RIOK3: variants seen among roughly 807,000 people sequenced by gnomAD.
RIOK3 encodes serine/threonine-protein kinase RIO3.
RIOK3 carries 40 observed loss-of-function variants against 63.5 expected under a neutral mutation model. The observed-to-expected ratio is 0.63, with a 90% CI of 0.49 to 0.82. The LOEUF is 0.82. Ranked by LOEUF, RIOK3 falls within the 40% of genes least tolerant of loss-of-function variation. RIOK3 has a pLI of 0.00. For missense variants in RIOK3, 557 were observed against 637.0 expected (o/e 0.87, Z 1.35); for synonymous variants, 193 against 205.0 (o/e 0.94, Z 0.50).
intron 12 of RIOK3, among the ~76,000 whole-genome samples, 199 bp downstream of exon 12, chr18:23,479,623 C>T (rs1251490391): frequency 6.6e-6 from 1 of 151,294 alleles, no homozygotes. Context: ...GTCACTCAGG[C>T]TGGAATGCAG....
At chr18:23,458,050 C>T (rs1056505015) in intron 1 of RIOK3, among the ~76,000 whole-genome samples, 6 of 149,818 alleles carry the variant, frequency 4.0e-5, no homozygotes, top group East Asian at 2.0e-4. Flanking sequence ...TGCATCACCA[C>T]GCCTGGCTAG....
intron 9 of RIOK3, among the ~76,000 whole-genome samples, chr18:23,475,941 CTTTTTTTTTTTTTT>C (rs374984418): frequency 1.2e-5 from 1 of 80,024 alleles, no homozygotes; most frequent in Admixed American, 1.6e-4. Flanking sequence ...TTTTTTGGGG[CTTTTTTTTTTTTTT>C]TTTTTTTTCA....
rs2057405757 is a variant in RIOK3, at chr18:23,466,181, C to A, written c.592C>A (p.Leu198Ile). ...AGATGGAATTGGAATGGATTTAAAA[C>A]TATCAAACCATGTTTTCAATGCTTT... ...VGDGIGMDLKLSNHVFNALKQ... is the reference protein window; with the variant it reads ...VGDGIGMDLKISNHVFNALKQ... The change falls in exon 6 of 13, where the codon CTA (leucine) becomes ATA (isoleucine). Residue 198 changes from leucine to isoleucine, a missense_variant. Physicochemically the swap from Leu to Ile is conservative, Grantham distance 5. Around this residue, in one of 3 missense-constraint regions of RIOK3, gnomAD observed 243 missense variants for 275.4 expected, o/e 0.88. Coordinates refer to ENST00000339486, the MANE Select transcript of RIOK3 (RefSeq NM_003831.5). 1 of 1,610,526 alleles carries A rather than the reference C, an allele frequency of 6.2e-7. No homozygotes were observed. The highest frequency in any genetic ancestry group is 8.5e-7 in the Non-Finnish European group (1 of 1,178,686).
chr18:23,480,514 A>C (rs1360293278), intron 12 of RIOK3, among the ~76,000 whole-genome samples: 2 of 149,744 alleles, frequency 1.3e-5, no homozygotes, highest in Non-Finnish European at 3.0e-5. Context: ...AGTTAAAAAA[A>C]ATACATGTAT....
intron 8 of RIOK3, among the ~76,000 whole-genome samples, chr18:23,474,463 C>T (rs934186526): frequency 6.6e-6 from 1 of 152,188 alleles, no homozygotes; most frequent in African/African-American, 2.4e-5. Flanking sequence ...TTTCTGTACT[C>T]CTGAAATTCC....
intron 11 of RIOK3, among the ~76,000 whole-genome samples, chr18:23,478,333 C>T (rs2057507444): frequency 6.6e-6 from 1 of 151,892 alleles, no homozygotes; most frequent in African/African-American, 2.4e-5. Context: ...TTTGGGAAGC[C>T]AGGGAGGGAG....
In RIOK3 at chr18:23,467,544, G is replaced by A. The variant is rs555649544; in HGVS notation, c.815+18G>A. 7 of 1,606,564 alleles carry A rather than the reference G, an allele frequency of 4.4e-6. No individual in the cohort carries two copies. The East Asian group carries it at 1.1e-4, about 26-fold the overall frequency. On this transcript the variant is annotated intron_variant, in intron 7 of 12. Coordinates refer to ENST00000339486, the MANE Select transcript of RIOK3 (RefSeq NM_003831.5). Reference sequence around the variant, plus strand: ...GGAGGGAGGTAAATGAGCAAAATATGATACCATGATATGAAAACTTAGTCT... The same window carrying A: ...GGAGGGAGGTAAATGAGCAAAATATAATACCATGATATGAAAACTTAGTCT...
At chr18:23,471,953 C>T (rs2145693377) in intron 7 of RIOK3, among the ~76,000 whole-genome samples, 1 of 152,204 alleles carries the variant, frequency 6.6e-6, no homozygotes, top group South Asian at 2.1e-4. Context: ...GAGTTATCGG[C>T]CAGGCGCGGT....
chr18:23,470,465 A>C (rs757093910), intron 7 of RIOK3, among the ~76,000 whole-genome samples: 8 of 152,222 alleles, frequency 5.3e-5, no homozygotes, highest in Admixed American at 4.6e-4. Flanking sequence ...AGAAAATTAC[A>C]GAGATGTTTA....
intron 2 of RIOK3, 94 bp downstream of exon 2, chr18:23,463,173 A>G: frequency 2.6e-6 from 2 of 769,866 alleles, no homozygotes; most frequent in South Asian, 1.8e-5. Flanking sequence ...TGGAAAAAGC[A>G]GTGCAGAAGA....
Position 23,463,055 on chromosome 18 carries a change from A to C in RIOK3, c.155A>C (p.Glu52Ala), listed in dbSNP as rs201383568. ...GCCAAAGAATTGCAGTTAGAAGAAG[A>C]AGCTGCCGTTTTTCCTGAAGTTGCG... The part of the protein sequence containing the change: ...QLAKELQLEE[E>A]AAVFPEVAVA... The change falls in exon 2 of 13, where the codon GAA (glutamate) becomes GCA (alanine). Residue 52 changes from glutamate to alanine, a missense_variant. This residue lies in a region of RIOK3 where 243 missense variants were observed against 275.4 expected (regional missense o/e 0.88). Transcript: ENST00000339486. The C allele has an allele frequency of 4.6e-4, 740 of 1,609,198 alleles. 1 individual carries two copies. Among genetic ancestry groups the C allele is most frequent in the Non-Finnish European group, 6.0e-4 (712 of 1,178,116 alleles).
intron 1 of RIOK3, among the ~76,000 whole-genome samples, chr18:23,459,538 GA>G (rs2057361042): frequency 6.6e-6 from 1 of 152,218 alleles, no homozygotes; most frequent in South Asian, 2.1e-4. Flanking sequence ...GAACACAAAG[GA>G]AAGGGTCCAA....
At chr18:23,479,171 G>T in intron 11 of RIOK3, 146 bp from the exon 12 acceptor site, 1 of 548,090 alleles carries the variant, frequency 1.8e-6, no homozygotes. Flanking sequence ...TTCTGCCTTT[G>T]AGTTGAAATT....
intron 7 of RIOK3, among the ~76,000 whole-genome samples, chr18:23,471,452 T>C (rs1598812201): frequency 6.6e-6 from 1 of 152,098 alleles, no homozygotes; most frequent in Admixed American, 6.5e-5. Context: ...CTGGACCAGG[T>C]AGGATTTTGT....
intron 6 of RIOK3, 30 bp from the exon 7 acceptor site, chr18:23,467,369 T>G: frequency 1.9e-6 from 3 of 1,586,030 alleles, no homozygotes; most frequent in Non-Finnish European, 2.6e-6. Flanking sequence ...TTAGCAGTCA[T>G]TTTCACTTAC....
intron 6 of RIOK3, among the ~76,000 whole-genome samples, chr18:23,466,825 A>T (rs2057411777): frequency 6.8e-6 from 1 of 147,874 alleles, no homozygotes; most frequent in Non-Finnish European, 1.5e-5. Flanking sequence ...ACCCTGGGAG[A>T]CCCTGTCTCA....
At chr18:23,456,173 A>T (rs2057339749) in intron 1 of RIOK3, among the ~76,000 whole-genome samples, 1 of 150,682 alleles carries the variant, frequency 6.6e-6, no homozygotes, top group East Asian at 2.0e-4. Context: ...CTCAAGCAGT[A>T]CCCCACCCCC....
Position 23,481,414 on chromosome 18 carries a change from C to T in RIOK3, c.*135C>T, listed in dbSNP as rs1263891232. On this transcript the variant is annotated 3_prime_UTR_variant, in exon 13 of 13. Coordinates refer to ENST00000339486, the MANE Select transcript of RIOK3 (RefSeq NM_003831.5). ...GCTTCTGTGCTTTTCCCCCTTGTAA[C>T]CCATGTGCCAGATGTGTGGAATTTT... 2 of 573,754 alleles carry T rather than the reference C, an allele frequency of 3.5e-6. No individual in the cohort carries two copies. Among genetic ancestry groups the T allele is most frequent in the East Asian group, 3.1e-5 (1 of 32,742 alleles). 35.5% of individuals were successfully genotyped at this position (573,754 alleles called of 1,614,324 possible).
chr18:23,466,335 T>C (rs1372403229), intron 6 of RIOK3, 59 bp downstream of exon 6: 8 of 1,345,258 alleles, frequency 5.9e-6, no homozygotes, highest in Non-Finnish European at 8.0e-6. Flanking sequence ...ATTAGAAAAC[T>C]TTGGGTAAAG....
Sources: allele counts gnomAD v4.1 joint callset (sites outside exome capture counted in the v4.1 genomes callset), GRCh38; gene constraint gnomAD v4.1.1; regional missense constraint gnomAD v4.1.1; transcripts MANE v1.5; gene names NCBI Gene and HGNC (gene_info 2026-07-23, HGNC 2026-07-21).